The following IL1RAPL2 variants were observed in gnomAD, a reference collection of about 807,000 sequenced individuals.
IL1RAPL2 encodes X-linked interleukin-1 receptor accessory protein-like 2.
IL1RAPL2 carries 3 observed loss-of-function variants against 44.1 expected under a neutral mutation model. That is an observed-to-expected ratio of 0.07 (90% confidence interval 0.03 to 0.18). The LOEUF is 0.18. Ranked by LOEUF, IL1RAPL2 falls within the 10% of genes least tolerant of loss-of-function variation. The pLI is 1.00. For synonymous variants in IL1RAPL2, 181 were observed against 178.8 expected (o/e 1.01, Z -0.10); for missense variants, 391 against 496.4 (o/e 0.79, Z 2.02).
chrX:104,849,033 G>A lies in IL1RAPL2; in HGVS notation c.82+190038G>A, dbSNP rs1283041401. Among the ~76,000 whole-genome samples, 9 of 109,093 alleles carry A rather than the reference G, an allele frequency of 8.2e-5. No homozygotes were observed. The Admixed American group carries it at 8.9e-4, about 11-fold the overall frequency. 94.7% of individuals were successfully genotyped at this position (109,093 alleles called of 115,157 possible). A position where few individuals can be genotyped will look rare whatever the true frequency, so the allele number is the denominator to read the frequency against. On this transcript the variant is annotated intron_variant, in intron 2 of 10. Transcript: ENST00000372582. Reference sequence around the variant, plus strand: ...TTTATTATTTATTTATTTGAGACAGGGTCTCAGTCTGTTACCCAGGCTGGA... The same window carrying A: ...TTTATTATTTATTTATTTGAGACAGAGTCTCAGTCTGTTACCCAGGCTGGA...
At chrX:105,067,234 A>C (rs1427168930) in intron 2 of IL1RAPL2, among the ~76,000 whole-genome samples, 1 of 110,569 alleles carries the variant, frequency 9.0e-6, no homozygotes, top group African/African-American at 3.3e-5. Flanking sequence ...ACACACATAC[A>C]CACGTGTGCG....
chrX:104,937,140 T>C (rs1034132665), intron 2 of IL1RAPL2, among the ~76,000 whole-genome samples: 8 of 112,356 alleles, frequency 7.1e-5, no homozygotes, highest in African/African-American at 2.6e-4. Flanking sequence ...CTGAGTTTGC[T>C]CATATGTCTT....
At chrX:105,463,607 C>T (rs954614126) in intron 5 of IL1RAPL2, among the ~76,000 whole-genome samples, 2 of 109,820 alleles carry the variant, frequency 1.8e-5, no homozygotes, top group African/African-American at 3.3e-5. Context: ...CACACATGCA[C>T]GCATACACTT....
intron 2 of IL1RAPL2, among the ~76,000 whole-genome samples, chrX:105,125,712 A>G (rs192656916): frequency 9.0e-6 from 1 of 110,602 alleles, no homozygotes; most frequent in Non-Finnish European, 1.9e-5. Flanking sequence ...TTTTTCTTCA[A>G]CGAACTCATA....
chrX:105,630,656 G>A (rs1230422236), intron 6 of IL1RAPL2, among the ~76,000 whole-genome samples: 1 of 109,933 alleles, frequency 9.1e-6, no homozygotes, highest in Non-Finnish European at 1.9e-5. Flanking sequence ...TATTCATCTG[G>A]GTGTTAGGGA....
intron 1 of IL1RAPL2, among the ~76,000 whole-genome samples, chrX:104,633,032 T>G (rs1200251639): frequency 1.8e-5 from 2 of 111,767 alleles, no homozygotes; most frequent in African/African-American, 6.5e-5. Flanking sequence ...CCTAATTTAT[T>G]GAGAGTTTTT....
intron 2 of IL1RAPL2, among the ~76,000 whole-genome samples, chrX:104,751,685 A>G (rs1005970258): frequency 9.0e-6 from 1 of 111,267 alleles, no homozygotes; most frequent in Admixed American, 9.6e-5. Context: ...AAATTCAGAG[A>G]CCACATTATG....
At chrX:104,891,789 T>C (rs932956897) in intron 2 of IL1RAPL2, among the ~76,000 whole-genome samples, 4 of 111,483 alleles carry the variant, frequency 3.6e-5, no homozygotes, top group Admixed American at 2.9e-4. Context: ...CCTTTATTTC[T>C]TTCTCCTGCC....
chrX:104,830,403 T>C (rs1469477842), intron 2 of IL1RAPL2, among the ~76,000 whole-genome samples: 1 of 111,892 alleles, frequency 8.9e-6, no homozygotes, highest in African/African-American at 3.2e-5. Context: ...GTTGTGTCAC[T>C]CCTGTCACTA....
chrX:105,349,128 G>C (rs1172063581), intron 5 of IL1RAPL2, among the ~76,000 whole-genome samples: 1 of 112,096 alleles, frequency 8.9e-6, no homozygotes, highest in Non-Finnish European at 1.9e-5. Context: ...GGAGTTAATC[G>C]TGGTGGCTCT....
chrX:105,358,637 T>A (rs778954943), intron 5 of IL1RAPL2, among the ~76,000 whole-genome samples: 1 of 98,611 alleles, frequency 1.0e-5, no homozygotes, highest in South Asian at 4.7e-4. Flanking sequence ...TTCACACCAC[T>A]GCACTCCAGC....
chrX:105,512,605 A>C (rs2037932686), intron 6 of IL1RAPL2, among the ~76,000 whole-genome samples: 1 of 111,837 alleles, frequency 8.9e-6, no homozygotes, highest in African/African-American at 3.2e-5. Flanking sequence ...ACTGAAAAGA[A>C]AAAATTCATG....
intron 2 of IL1RAPL2, among the ~76,000 whole-genome samples, chrX:104,974,108 T>C (rs1008457772): frequency 1.8e-5 from 2 of 111,649 alleles, no homozygotes. Flanking sequence ...GCATTCTATA[T>C]ATGAGAACTA....
At chrX:105,499,676 G>C (rs2036379490) in intron 6 of IL1RAPL2, among the ~76,000 whole-genome samples, 1 of 111,368 alleles carries the variant, frequency 9.0e-6, no homozygotes, top group Admixed American at 9.6e-5. Flanking sequence ...GGAAATAAAA[G>C]TAAACCATAA....
chrX:104,679,888 A>T (rs957269442), intron 2 of IL1RAPL2, among the ~76,000 whole-genome samples: 4 of 112,120 alleles, frequency 3.6e-5, no homozygotes, highest in East Asian at 2.8e-4. Flanking sequence ...CCTGGCATTC[A>T]GGAAGCTCAA....
intron 6 of IL1RAPL2, among the ~76,000 whole-genome samples, chrX:105,692,904 A>G (rs2038047470): frequency 8.9e-6 from 1 of 111,808 alleles, no homozygotes; most frequent in Non-Finnish European, 1.9e-5. Flanking sequence ...GTTATCTGAT[A>G]ATAAAAATAC....
At chrX:105,208,661 C>A (rs187962846) in intron 3 of IL1RAPL2, among the ~76,000 whole-genome samples, 3 of 111,762 alleles carry the variant, frequency 2.7e-5, no homozygotes, top group African/African-American at 9.7e-5. Flanking sequence ...TCTACACACT[C>A]GTTTCCAGAC....
At chrX:105,078,961 C>T (rs948378596) in intron 2 of IL1RAPL2, among the ~76,000 whole-genome samples, 2 of 112,352 alleles carry the variant, frequency 1.8e-5, no homozygotes, top group Non-Finnish European at 3.8e-5. Context: ...AAGGGAATTC[C>T]CTGACCCCTT....
intron 2 of IL1RAPL2, among the ~76,000 whole-genome samples, chrX:105,031,532 A>G (rs1311459690): frequency 3.6e-5 from 4 of 112,007 alleles, no homozygotes; most frequent in Non-Finnish European, 7.5e-5. Flanking sequence ...TTATCTTTAT[A>G]TGCTGGATTA....
Sources: allele counts gnomAD v4.1 joint callset (sites outside exome capture counted in the v4.1 genomes callset), GRCh38; gene constraint gnomAD v4.1.1; transcripts MANE v1.5; gene names NCBI Gene and HGNC (gene_info 2026-07-23, HGNC 2026-07-21).